Variants in SLC22A15 observed in about 807,000 individuals in gnomAD.
SLC22A15 encodes solute carrier family 22 member 15, also known as flipt 1.
In SLC22A15, 45 loss-of-function variants were observed where a neutral mutation model predicts 62.7. That is an observed-to-expected ratio of 0.72 (90% CI 0.56 to 0.92). The LOEUF (loss-of-function observed/expected upper bound fraction) is 0.92. Ranked by LOEUF, SLC22A15 falls within the 40% of genes least tolerant of loss-of-function variation. The pLI, the probability that SLC22A15 is intolerant of heterozygous loss-of-function variation, is 0.00. For missense variants in SLC22A15, 622 were observed against 665.6 expected (o/e 0.93, Z 0.72); for synonymous variants, 264 against 267.0 (o/e 0.99, Z 0.11).
intron 5 of SLC22A15, chr1:116,027,468 G>A (rs1657151933): frequency 2.2e-6 from 1 of 452,608 alleles, no homozygotes; most frequent in Non-Finnish European, 4.5e-6. Flanking sequence ...CTCTGGAAGA[G>A]TCTTAGATAT....
chr1:116,054,112 A>T (rs1658133937), intron 8 of SLC22A15, among the ~76,000 whole-genome samples: 1 of 152,190 alleles, frequency 6.6e-6, no homozygotes, highest in Non-Finnish European at 1.5e-5. Flanking sequence ...AGACTGGCAA[A>T]TTGGATAAAG....
intron 2 of SLC22A15, among the ~76,000 whole-genome samples, chr1:116,007,465 A>G (rs2488453): frequency 0.93 from 142,036 of 152,270 alleles, 66,324 homozygotes; most frequent in Middle Eastern, 0.99. Flanking sequence ...AGTTGGCATC[A>G]CTGACCCACA....
At chr1:116,032,487 A>G in intron 6 of SLC22A15, 1 of 985,410 alleles carries the variant, frequency 1.0e-6, no homozygotes, top group Non-Finnish European at 1.2e-6. Context: ...GTGATTTTAT[A>G]TGAAAGTGAT....
chr1:116,031,450 G>C lies in SLC22A15; in HGVS notation c.813G>C (p.Arg271Ser), dbSNP rs1475520174. The C allele has an allele frequency of 1.2e-6, 2 of 1,613,932 alleles. No homozygotes were observed. The highest frequency in any genetic ancestry group is 2.7e-5 in the African/African-American group (2 of 75,026). Residue 271 changes from arginine (R) to serine (S), a missense_variant, in exon 6 of 12, where the codon AGG (arginine) becomes AGC (serine). By Grantham distance (110) the Arg-to-Ser change is moderately radical. Transcript: ENST00000369503. ...AEEALYLIAK[R>S]NRKLKCTFSL... ...AGGCGCTGTACCTCATTGCCAAGAGGAACCGCAAACTCAAGTGCACGTTCT... is the reference window on the plus strand; with the variant it reads ...AGGCGCTGTACCTCATTGCCAAGAGCAACCGCAAACTCAAGTGCACGTTCT...
intron 2 of SLC22A15, among the ~76,000 whole-genome samples, chr1:116,002,638 C>T (rs769327718): frequency 3.3e-5 from 5 of 151,908 alleles, no homozygotes; most frequent in Admixed American, 6.6e-5. Context: ...CTGCCCCAGG[C>T]CTGTGGTAAC....
chr1:115,987,882 TA>T (rs1205194380), intron 1 of SLC22A15, among the ~76,000 whole-genome samples: 1 of 152,144 alleles, frequency 6.6e-6, no homozygotes, highest in African/African-American at 2.4e-5. Context: ...TTTTCCTACT[TA>T]AAAAAATAAA....
intron 1 of SLC22A15, among the ~76,000 whole-genome samples, chr1:115,981,579 A>C (rs1488563752): frequency 6.6e-6 from 1 of 152,208 alleles, no homozygotes; most frequent in African/African-American, 2.4e-5. Flanking sequence ...CCATAGACAG[A>C]CACTGCCCCC....
At chr1:116,033,418 A>G (rs544358200) in intron 6 of SLC22A15, among the ~76,000 whole-genome samples, 80 of 152,230 alleles carry the variant, frequency 5.3e-4, no homozygotes, top group African/African-American at 1.7e-3. Flanking sequence ...CCTGGGGACA[A>G]TGGGCCTTCC....
intron 5 of SLC22A15, chr1:116,027,321 G>A (rs1305453360): frequency 1.8e-6 from 1 of 542,686 alleles, no homozygotes; most frequent in Non-Finnish European, 3.6e-6. Flanking sequence ...AACCTTAAAG[G>A]TCTTCAGACT....
chr1:116,003,149 G>A (rs1347243104), intron 2 of SLC22A15, among the ~76,000 whole-genome samples: 1 of 151,668 alleles, frequency 6.6e-6, no homozygotes, highest in African/African-American at 2.4e-5. Flanking sequence ...TGTCATCCAG[G>A]AGTTATGGCC....
chr1:116,031,823 T>C, intron 6 of SLC22A15: 1 of 1,365,054 alleles, frequency 7.3e-7, no homozygotes, highest in Non-Finnish European at 9.4e-7. Context: ...TAAGTAGACA[T>C]CAGAAGCACA....
intron 2 of SLC22A15, among the ~76,000 whole-genome samples, chr1:115,993,736 C>G (rs540333313): frequency 2.0e-5 from 3 of 152,252 alleles, no homozygotes; most frequent in Admixed American, 2.0e-4. Context: ...GATTCTCCCA[C>G]AGCACACAGA....
chr1:116,012,845 G>A (rs185420041), intron 2 of SLC22A15, among the ~76,000 whole-genome samples: 112 of 152,274 alleles, frequency 7.4e-4, no homozygotes, highest in African/African-American at 2.1e-3. Context: ...TCATTTCCTG[G>A]GCTAGTAGTA....
chr1:116,065,964 T>C (rs1658486968), intron 10 of SLC22A15, among the ~76,000 whole-genome samples: 1 of 152,182 alleles, frequency 6.6e-6, no homozygotes, highest in African/African-American at 2.4e-5. Context: ...TTAACCATGT[T>C]CAGTTTAGAA....
chr1:116,046,166 A>G (rs1342467740), intron 8 of SLC22A15, among the ~76,000 whole-genome samples: 1 of 152,224 alleles, frequency 6.6e-6, no homozygotes, highest in African/African-American at 2.4e-5. Flanking sequence ...AAGAGAACAT[A>G]GGAGAAAAAT....
intron 6 of SLC22A15, among the ~76,000 whole-genome samples, chr1:116,033,235 A>G (rs1657490522): frequency 6.6e-6 from 1 of 152,258 alleles, no homozygotes; most frequent in African/African-American, 2.4e-5. Context: ...TTTCCACAAT[A>G]GTGCCTTTTT....
At chr1:115,982,089 T>C (rs1034098692) in intron 1 of SLC22A15, among the ~76,000 whole-genome samples, 1 of 152,238 alleles carries the variant, frequency 6.6e-6, no homozygotes, top group Non-Finnish European at 1.5e-5. Context: ...GGGGCAGTGT[T>C]GACCCTAGGT....
intron 2 of SLC22A15, among the ~76,000 whole-genome samples, chr1:115,998,738 A>G (rs1302478879): frequency 6.6e-6 from 1 of 151,626 alleles, no homozygotes; most frequent in Non-Finnish European, 1.5e-5. Flanking sequence ...ACAACTTTTC[A>G]TTTTGTTGAT....
intron 1 of SLC22A15, among the ~76,000 whole-genome samples, chr1:115,978,340 T>C (rs964790258): frequency 1.3e-5 from 2 of 152,228 alleles, no homozygotes; most frequent in African/African-American, 4.8e-5. Context: ...CTGTTAAGTT[T>C]CTCTAACTTA....
Sources: allele counts gnomAD v4.1 joint callset (sites outside exome capture counted in the v4.1 genomes callset), GRCh38; gene constraint gnomAD v4.1.1; transcripts MANE v1.5; gene names NCBI Gene and HGNC (gene_info 2026-07-23, HGNC 2026-07-21).